Variants in ARHGAP42 observed in about 807,000 individuals in gnomAD.
The protein encoded by ARHGAP42 is Rho GTPase activating protein 42.
A neutral mutation model predicts 125.0 loss-of-function variants in ARHGAP42; 63 were observed. That is an observed-to-expected ratio of 0.50 (90% confidence interval 0.41 to 0.62). The LOEUF is 0.62. ARHGAP42 is among the 20% of genes least tolerant of loss of function. The probability of loss-of-function intolerance (pLI) is 0.00; values close to 1 mark genes in which losing one functional copy is unlikely to be tolerated. For missense variants in ARHGAP42, 766 were observed against 1,024.2 expected, an observed-to-expected ratio of 0.75 and a Z score of 3.44; for synonymous variants, 339 against 351.0, an observed-to-expected ratio of 0.97 and a Z score of 0.38.
chr11:100,728,714 G>GTATA (rs57293905), intron 1 of ARHGAP42, among the ~76,000 whole-genome samples: 21 of 70,388 alleles, frequency 3.0e-4, no homozygotes, highest in East Asian at 1.9e-3. Context: ...ATGACTTTGC[G>GTATA]TATATATATA....
At chr11:100,781,306 C>T (rs548542296) in intron 2 of ARHGAP42, among the ~76,000 whole-genome samples, 3 of 150,054 alleles carry the variant, frequency 2.0e-5, no homozygotes, top group Admixed American at 6.6e-5. Flanking sequence ...TCTGAATGAT[C>T]GGAAAATGCT....
chr11:100,778,786 G>C (rs1863195540), intron 2 of ARHGAP42, among the ~76,000 whole-genome samples: 1 of 152,072 alleles, frequency 6.6e-6, no homozygotes, highest in South Asian at 2.1e-4. Flanking sequence ...TTCAGGCTTC[G>C]AGTTAAAAAA....
intron 1 of ARHGAP42, among the ~76,000 whole-genome samples, chr11:100,711,826 G>C (rs527429778): frequency 6.6e-6 from 1 of 152,340 alleles, no homozygotes; most frequent in African/African-American, 2.4e-5. Flanking sequence ...TAGCCTATGA[G>C]AAGATAATCA....
At chr11:100,884,720 T>C (rs1866045342) in intron 4 of ARHGAP42, among the ~76,000 whole-genome samples, 1 of 152,170 alleles carries the variant, frequency 6.6e-6, no homozygotes. Context: ...TACTCCCTTG[T>C]CAATTCTTTT....
At chr11:100,858,086 GGT>G (rs201861404) in intron 3 of ARHGAP42, among the ~76,000 whole-genome samples, 1,591 of 108,934 alleles carry the variant, frequency 0.015, 14 homozygotes, top group South Asian at 0.05. Flanking sequence ...TCTGGATAGG[GGT>G]GTGTGTGTGT....
intron 15 of ARHGAP42, among the ~76,000 whole-genome samples, chr11:100,962,001 A>C (rs1194837339): frequency 2.0e-5 from 3 of 152,198 alleles, no homozygotes; most frequent in Admixed American, 2.0e-4. Flanking sequence ...GTACTGAATT[A>C]GTATTTGTTG....
intron 1 of ARHGAP42, among the ~76,000 whole-genome samples, chr11:100,746,963 G>A (rs1401472294): frequency 4.6e-5 from 7 of 152,028 alleles, no homozygotes; most frequent in African/African-American, 7.2e-5. Flanking sequence ...ATCCCTTTCC[G>A]CCATACTAGT....
chr11:100,699,351 A>G (rs1861349623), intron 1 of ARHGAP42, among the ~76,000 whole-genome samples: 1 of 151,104 alleles, frequency 6.6e-6, no homozygotes, highest in Admixed American at 6.6e-5. Context: ...CACCCCATCC[A>G]TTTTGTTAGC....
At chr11:100,743,882 T>C (rs971329047) in intron 1 of ARHGAP42, among the ~76,000 whole-genome samples, 9 of 152,344 alleles carry the variant, frequency 5.9e-5, no homozygotes, top group South Asian at 4.1e-4. Context: ...AAACTTCTTA[T>C]TGCATTTTGT....
At chr11:100,852,570 C>G (rs1464286821) in intron 3 of ARHGAP42, among the ~76,000 whole-genome samples, 1 of 152,110 alleles carries the variant, frequency 6.6e-6, no homozygotes, top group Non-Finnish European at 1.5e-5. Context: ...TCCCCTTGCT[C>G]CCATACACAA....
intron 17 of ARHGAP42, among the ~76,000 whole-genome samples, chr11:100,971,269 T>C (rs1181363511): frequency 6.6e-6 from 1 of 152,212 alleles, no homozygotes; most frequent in Non-Finnish European, 1.5e-5. Context: ...TCTCTGTTTA[T>C]TGGATCCATG....
At chr11:100,740,289 GT>G (rs56839478) in intron 1 of ARHGAP42, among the ~76,000 whole-genome samples, 81,870 of 151,712 alleles carry the variant, frequency 0.54, 22,631 homozygotes, top group African/African-American at 0.68. Context: ...GATACCCTCA[GT>G]TTTTTTTCCT....
chr11:100,759,235 C>G (rs371863137), intron 1 of ARHGAP42, among the ~76,000 whole-genome samples: 1 of 152,122 alleles, frequency 6.6e-6, no homozygotes, highest in Non-Finnish European at 1.5e-5. Flanking sequence ...CTCTCTGGCT[C>G]CTCACATCTC....
intron 4 of ARHGAP42, among the ~76,000 whole-genome samples, chr11:100,903,117 G>GCACACA (rs1555021069): frequency 0.078 from 10,246 of 131,866 alleles, 721 homozygotes; most frequent in African/African-American, 0.19. Context: ...TCCAAGATGC[G>GCACACA]CACACACACA....
At chr11:100,815,542 C>A (rs963983258) in intron 3 of ARHGAP42, among the ~76,000 whole-genome samples, 1 of 152,148 alleles carries the variant, frequency 6.6e-6, no homozygotes, top group Non-Finnish European at 1.5e-5. Context: ...GATAGATGTG[C>A]AGATATGTTT....
At chr11:100,970,082 G>A (rs927478945) in intron 17 of ARHGAP42, among the ~76,000 whole-genome samples, 3 of 151,678 alleles carry the variant, frequency 2.0e-5, no homozygotes, top group Non-Finnish European at 2.9e-5. Flanking sequence ...TCTGCCTCTC[G>A]GGTTCAAGTG....
chr11:100,867,212 C>T (rs1436990290), intron 4 of ARHGAP42, among the ~76,000 whole-genome samples: 2 of 152,154 alleles, frequency 1.3e-5, no homozygotes, highest in African/African-American at 2.4e-5. Context: ...CTGCATTAGC[C>T]CCTAACAAGA....
chr11:100,721,861 G>T (rs141836028), intron 1 of ARHGAP42, among the ~76,000 whole-genome samples: 1 of 152,208 alleles, frequency 6.6e-6, no homozygotes, highest in East Asian at 1.9e-4. Context: ...AGGTCATTTT[G>T]GTTGCTTCCA....
At position 100,775,225 on chromosome 11, in the gene ARHGAP42, T is replaced by C. The variant is rs557459563; in HGVS notation, c.250+4787T>C. 1.2e-4 allele frequency among the ~76,000 whole-genome samples: 18 copies of C among 152,248 alleles called. No homozygotes were observed. In the South Asian group the frequency reaches 1.9e-3, roughly 16 times the overall value. ...ACTAACTGCCCACTTTTTATTTGGC[T>C]TTGGTGTTTTGAACTGAGTAAGGAA... is the stretch of plus-strand genomic sequence containing the variant. On this transcript the variant is annotated intron_variant, in intron 2 of 23. Transcript: ENST00000298815.
Sources: gnomAD v4.1 joint callset for allele counts (sites outside exome capture counted in the v4.1 genomes callset) on GRCh38, gnomAD v4.1.1 for gene constraint, MANE v1.5 for transcripts, NCBI Gene and HGNC (gene_info 2026-07-23, HGNC 2026-07-21) for gene names.